Variants in FSCN1 observed in about 807,000 individuals in gnomAD.
FSCN1 encodes fascin actin-bundling protein 1.
Under a neutral mutation model 39.7 loss-of-function variants are expected in FSCN1, and 10 were observed. The observed-to-expected ratio is 0.25, with a 90% CI of 0.16 to 0.43. The LOEUF is 0.43. FSCN1 is among the 20% of genes least tolerant of loss of function. FSCN1 has a pLI of 1.00. For missense variants in FSCN1, 525 were observed against 723.8 expected, an observed-to-expected ratio of 0.73 and a Z score of 3.15; for synonymous variants, 322 against 320.0, an observed-to-expected ratio of 1.01 and a Z score of -0.07.
Position 5,603,701 on chromosome 7 carries a change from C to G in FSCN1, c.1111+84C>G. ...GCCGTGGTCACTTGGTAGCCCCAGC[C>G]AAGGCCTGCTCTGTGCTGGGCATCC... On this transcript the variant is annotated intron_variant, in intron 3 of 4. Coordinates refer to ENST00000382361, the MANE Select transcript of FSCN1 (RefSeq NM_003088.4). This position sits in a 1 kb window ranked among gnomAD's most constrained non-coding sequence, Gnocchi z 8.5. 6.3e-7 allele frequency: 1 copy of G among 1,581,132 alleles called. No individual in the cohort carries two copies. The highest frequency in any genetic ancestry group is 8.7e-7 in the Non-Finnish European group (1 of 1,154,770).
chr7:5,592,886 C>T lies in FSCN1; in HGVS notation c.-51C>T. On this transcript the variant is annotated 5_prime_UTR_variant, in exon 1 of 5. Transcript: ENST00000382361. This position sits in a 1 kb window ranked among gnomAD's most constrained non-coding sequence, Gnocchi z 5.3. Reference sequence around the variant, plus strand: ...AGGAGCAGGGGCGCCGCCGCAGGGACCCGCCACCCACCTCCCGGGGCCGCG... The same window carrying T: ...AGGAGCAGGGGCGCCGCCGCAGGGATCCGCCACCCACCTCCCGGGGCCGCG... The T allele has an allele frequency of 2.5e-6, 3 of 1,195,418 alleles. No homozygotes were observed. Among genetic ancestry groups the T allele is most frequent in the Non-Finnish European group, 2.3e-6 (2 of 871,158 alleles). The allele number at this position is 1,195,418 out of a possible 1,614,324, so 74.1% of individuals were successfully genotyped here. A position where few individuals can be genotyped will look rare whatever the true frequency, so the allele number is the denominator to read the frequency against.
In FSCN1 at chr7:5,599,031, T is replaced by C. The variant is rs1785780221; in HGVS notation, c.833-4226T>C. Among the ~76,000 whole-genome samples, 1 of 152,032 alleles carries C rather than the reference T, an allele frequency of 6.6e-6. No homozygotes were observed. Among genetic ancestry groups the C allele is most frequent in the Non-Finnish European group, 1.5e-5 (1 of 67,958 alleles). On this transcript the variant is annotated intron_variant, in intron 1 of 4. Transcript: ENST00000382361. The surrounding 1 kb of genome is among the most constrained non-coding windows in gnomAD (Gnocchi z 5.6). ...AGTGGGGGTGGGGCGGGCCAGACCT[T>C]TGCAGGGCCTCTTGGCTGGTGGAGG...
chr7:5,601,505 A>G (rs528215701), intron 1 of FSCN1, among the ~76,000 whole-genome samples: 76 of 152,168 alleles, frequency 5.0e-4, no homozygotes, highest in African/African-American at 1.6e-3. Context: ...GGCAACCCGC[A>G]TGCTTCTTAT....
rs1441227058 is a variant in FSCN1 at position 5,599,213 on chromosome 7, G to C, written c.833-4044G>C. 6.6e-6 allele frequency among the ~76,000 whole-genome samples: 1 copy of C among 152,126 alleles called. No homozygotes were observed. On this transcript the variant is annotated intron_variant, in intron 1 of 4. Transcript: ENST00000382361. The surrounding 1 kb of genome is among the most constrained non-coding windows in gnomAD (Gnocchi z 5.6). The stretch of plus-strand genomic sequence containing the variant: ...AGCCCACCCAGTGCGGTGGATGCTC[G>C]TCGGAGGGCAGAGGGTGGGCTACCG...
Position 5,593,784 on chromosome 7 carries a change from G to T in FSCN1, c.832+16G>T. The T allele has an allele frequency of 2.0e-6, 3 of 1,483,676 alleles. No homozygotes were observed. Among genetic ancestry groups the T allele is most frequent in the South Asian group, 1.2e-5 (1 of 82,440 alleles). The allele number at this position is 1,483,676 out of a possible 1,614,324, so 91.9% of individuals were successfully genotyped here. A position where few individuals can be genotyped will look rare whatever the true frequency, so the allele number is the denominator to read the frequency against. On this transcript the variant is annotated intron_variant, in intron 1 of 4. Transcript: ENST00000382361. ...ACGCGCCAGGGTGAGTGGGGACGCT[G>T]CCCCCGCCTCTCCTGGTCCGTGCAC...
At position 5,598,528 on chromosome 7, in the gene FSCN1, C is replaced by A. The variant is rs1442649786; in HGVS notation, c.833-4729C>A. Among the ~76,000 whole-genome samples, 4 of 152,350 alleles carry A rather than the reference C, an allele frequency of 2.6e-5. No homozygotes were observed. In the East Asian group the frequency reaches 5.8e-4, roughly 22 times the overall value. ...GTCTCATTGAGAAGGAGCCTCCCGG[C>A]TTCCTGCATTTGTTCCAGGCGGGCT... On this transcript the variant is annotated intron_variant, in intron 1 of 4. Coordinates refer to ENST00000382361, the MANE Select transcript of FSCN1 (RefSeq NM_003088.4).
intron 1 of FSCN1, among the ~76,000 whole-genome samples, chr7:5,602,578 G>C (rs775843476): frequency 6.6e-6 from 1 of 152,130 alleles, no homozygotes; most frequent in African/African-American, 2.4e-5. Context: ...AAAAAACGAG[G>C]CCATTTTCTT....
chr7:5,599,894 C>T lies in FSCN1; in HGVS notation c.833-3363C>T, dbSNP rs1785795867. Among the ~76,000 whole-genome samples the T allele has an allele frequency of 6.6e-6, 1 of 152,150 alleles. No homozygotes were observed. The highest frequency in any genetic ancestry group is 1.5e-5 in the Non-Finnish European group (1 of 68,038). On this transcript the variant is annotated intron_variant, in intron 1 of 4. Transcript: ENST00000382361. The surrounding 1 kb of genome is among the most constrained non-coding windows in gnomAD (Gnocchi z 5.6). ...CCTCTCCTGTGGGTGCTGCCTGCCA[C>T]CCACCGCTGAGGTCCCTGCAGCATC... is the stretch of plus-strand genomic sequence containing the variant.
At position 5,599,888 on chromosome 7, in the gene FSCN1, C is replaced by A. The variant is rs1264791763; in HGVS notation, c.833-3369C>A. On this transcript the variant is annotated intron_variant, in intron 1 of 4. Coordinates refer to ENST00000382361, the MANE Select transcript of FSCN1 (RefSeq NM_003088.4). This position sits in a 1 kb window ranked among gnomAD's most constrained non-coding sequence, Gnocchi z 5.6. ...AGCCTCCCTCTCCTGTGGGTGCTGC[C>A]TGCCACCCACCGCTGAGGTCCCTGC... 6.6e-6 allele frequency among the ~76,000 whole-genome samples: 1 copy of A among 152,110 alleles called. No individual in the cohort carries two copies. The highest frequency in any genetic ancestry group is 2.4e-5 in the African/African-American group (1 of 41,406).
At chr7:5,602,543 C>T (rs1385482630) in intron 1 of FSCN1, among the ~76,000 whole-genome samples, 4 of 152,006 alleles carry the variant, frequency 2.6e-5, no homozygotes, top group Non-Finnish European at 4.4e-5. Flanking sequence ...CATTTCATCC[C>T]AAAATACTTC....
rs2128550047 is a variant in FSCN1 at position 5,603,172 on chromosome 7, T to G, written c.833-85T>G. 2 of 1,487,008 alleles carry G rather than the reference T, an allele frequency of 1.3e-6. No homozygotes were observed. Among genetic ancestry groups the G allele is most frequent in the Non-Finnish European group, 1.8e-6 (2 of 1,083,618 alleles). 92.1% of individuals were successfully genotyped at this position (1,487,008 alleles called of 1,614,324 possible). On this transcript the variant is annotated intron_variant, in intron 1 of 4. Transcript: ENST00000382361. This position sits in a 1 kb window ranked among gnomAD's most constrained non-coding sequence, Gnocchi z 8.5. ...CCACCCCGTGGTGTTACCTTGCGTG[T>G]GTAGTTCTGTGAGCTCAGGGCTATG...
At chr7:5,598,433 A>C (rs1291452954) in intron 1 of FSCN1, among the ~76,000 whole-genome samples, 3 of 152,148 alleles carry the variant, frequency 2.0e-5, no homozygotes, top group African/African-American at 7.2e-5. Context: ...TGCCAGGAGG[A>C]TTAAGGCCGA....
intron 1 of FSCN1, among the ~76,000 whole-genome samples, chr7:5,598,941 C>T (rs979269144): frequency 7.9e-5 from 12 of 152,212 alleles, no homozygotes; most frequent in African/African-American, 2.4e-4. Flanking sequence ...AATGAGGGGG[C>T]GGTGAGGGCA....
At chr7:5,601,101 C>T (rs1345627071) in intron 1 of FSCN1, among the ~76,000 whole-genome samples, 1 of 149,940 alleles carries the variant, frequency 6.7e-6, no homozygotes, top group East Asian at 2.0e-4. Context: ...TCCCATTCTA[C>T]TTTTTAGGGA....
chr7:5,600,355 A>G (rs1372509535), intron 1 of FSCN1, among the ~76,000 whole-genome samples: 1 of 151,750 alleles, frequency 6.6e-6, no homozygotes, highest in African/African-American at 2.4e-5. Flanking sequence ...CAGAGGTTTC[A>G]GTGAGGCGAG....
intron 1 of FSCN1, among the ~76,000 whole-genome samples, chr7:5,600,241 G>A (rs1285151831): frequency 2.0e-5 from 3 of 151,898 alleles, no homozygotes; most frequent in African/African-American, 7.3e-5. Context: ...ATGAAACTCC[G>A]TCTCTACTAA....
At chr7:5,597,351 A>G (rs1187700663) in intron 1 of FSCN1, among the ~76,000 whole-genome samples, 3 of 152,034 alleles carry the variant, frequency 2.0e-5, no homozygotes, top group African/African-American at 7.2e-5. Context: ...CCTGGGCAAC[A>G]GAACGAGACC....
Position 5,603,464 on chromosome 7 carries a change from A to C in FSCN1, c.990-32A>C, listed in dbSNP as rs1584304129. 1 of 1,613,772 alleles carries C rather than the reference A, an allele frequency of 6.2e-7. No individual in the cohort carries two copies. Among genetic ancestry groups the C allele is most frequent in the Non-Finnish European group, 8.5e-7 (1 of 1,179,954 alleles). On this transcript the variant is annotated intron_variant, in intron 2 of 4. Coordinates refer to ENST00000382361, the MANE Select transcript of FSCN1 (RefSeq NM_003088.4). This position sits in a 1 kb window ranked among gnomAD's most constrained non-coding sequence, Gnocchi z 8.5. ...CCGCCCCCACCACCTTGCCTGGGCT[A>C]CCCCGCCTGACCCTGTCCCGCCATC...
chr7:5,598,331 C>T (rs999176004), intron 1 of FSCN1, among the ~76,000 whole-genome samples: 3 of 152,202 alleles, frequency 2.0e-5, no homozygotes, highest in Non-Finnish European at 4.4e-5. Context: ...GTACAGATGG[C>T]GGCAGTTGTG....
Sources: allele counts gnomAD v4.1 joint callset (sites outside exome capture counted in the v4.1 genomes callset), GRCh38; gene constraint gnomAD v4.1.1; non-coding constraint Gnocchi (gnomAD v3.1); transcripts MANE v1.5; gene names NCBI Gene and HGNC (gene_info 2026-07-23, HGNC 2026-07-21).